The following STARD13 variants were observed in gnomAD, a reference collection of about 807,000 sequenced individuals.
The protein encoded by STARD13 is stAR-related lipid transfer protein 13.
STARD13 carries 62 observed loss-of-function variants against 106.4 expected under a neutral mutation model. That is an observed-to-expected ratio of 0.58 (90% CI 0.48 to 0.72). The LOEUF (loss-of-function observed/expected upper bound fraction) is 0.72, where lower values mean the gene tolerates loss of function less well. STARD13 is among the 30% of genes least tolerant of loss of function. The probability of loss-of-function intolerance (pLI) is 0.00; values close to 1 mark genes in which losing one functional copy is unlikely to be tolerated. For synonymous variants in STARD13, 565 were observed against 553.0 expected, an observed-to-expected ratio of 1.02 and a Z score of -0.31; for missense variants, 1,387 against 1,424.0, an observed-to-expected ratio of 0.97 and a Z score of 0.42.
At chr13:33,189,453 A>C in intron 1 of STARD13, among the ~76,000 whole-genome samples, 1 of 128,628 alleles carries the variant, frequency 7.8e-6, no homozygotes, top group Non-Finnish European at 1.6e-5. Flanking sequence ...GAGGGAAAGC[A>C]GGAGGAAAGG....
intron 1 of STARD13, among the ~76,000 whole-genome samples, chr13:33,318,719 G>A (rs1349433424): frequency 6.6e-6 from 1 of 151,326 alleles, no homozygotes; most frequent in African/African-American, 2.4e-5. Flanking sequence ...AAAAATCAAT[G>A]ATAAAAAGAC....
the STARD13 span, among the ~76,000 whole-genome samples, chr13:33,361,653 A>G: frequency 3.3e-5 from 5 of 152,244 alleles, no homozygotes; most frequent in Non-Finnish European, 7.3e-5. Flanking sequence ...GGAACTTACA[A>G]TTATGGCAAG....
chr13:33,379,541 A>G, the STARD13 span, among the ~76,000 whole-genome samples: 1 of 152,340 alleles, frequency 6.6e-6, no homozygotes, highest in East Asian at 1.9e-4. Context: ...TGTATATCAC[A>G]ACATTTAATT....
intron 1 of STARD13, among the ~76,000 whole-genome samples, chr13:33,201,587 G>C (rs1887044709): frequency 6.6e-6 from 1 of 152,210 alleles, no homozygotes; most frequent in Admixed American, 6.5e-5. Flanking sequence ...CAAGAGCAAA[G>C]TTAAACCAGT....
At chr13:33,631,259 T>A in the STARD13 span, among the ~76,000 whole-genome samples, 1 of 152,196 alleles carries the variant, frequency 6.6e-6, no homozygotes, top group African/African-American at 2.4e-5. Flanking sequence ...TATGTTACCC[T>A]CCTTCCTTCT....
chr13:33,226,349 A>G (rs964975850), intron 1 of STARD13, among the ~76,000 whole-genome samples: 2 of 152,130 alleles, frequency 1.3e-5, no homozygotes, highest in Non-Finnish European at 2.9e-5. Context: ...TGGCTCATAA[A>G]AGTACAGGAA....
At chr13:33,649,036 G>A in the STARD13 span, among the ~76,000 whole-genome samples, 98 of 151,694 alleles carry the variant, frequency 6.5e-4, no homozygotes, top group Non-Finnish European at 1.2e-3. Context: ...TGAGGTGATC[G>A]CCTGCCTCGG....
At chr13:33,556,656 C>G in the STARD13 span, among the ~76,000 whole-genome samples, 1 of 152,150 alleles carries the variant, frequency 6.6e-6, no homozygotes, top group Non-Finnish European at 1.5e-5. Flanking sequence ...TTTAAACATT[C>G]TGGATTTATG....
chr13:33,309,226 T>G (rs371674936), intron 1 of STARD13, among the ~76,000 whole-genome samples: 1 of 152,196 alleles, frequency 6.6e-6, no homozygotes, highest in Admixed American at 6.5e-5. Flanking sequence ...CCCTGCCTCC[T>G]CCATGAGCCC....
the STARD13 span, among the ~76,000 whole-genome samples, chr13:33,579,287 T>C: frequency 6.6e-6 from 1 of 152,072 alleles, no homozygotes; most frequent in African/African-American, 2.4e-5. Context: ...GAAAATGTGC[T>C]ACTATACACA....
chr13:33,430,523 C>T, the STARD13 span, among the ~76,000 whole-genome samples: 1 of 152,222 alleles, frequency 6.6e-6, no homozygotes, highest in South Asian at 2.1e-4. Flanking sequence ...GGAGGTTCCT[C>T]AAAAACCTAA....
chr13:33,675,264 C>T, the STARD13 span, among the ~76,000 whole-genome samples: 1 of 152,304 alleles, frequency 6.6e-6, no homozygotes, highest in South Asian at 2.1e-4. Flanking sequence ...ACATTCTAAT[C>T]CTTAGAGTGA....
At chr13:33,495,698 T>C in the STARD13 span, among the ~76,000 whole-genome samples, 1 of 151,586 alleles carries the variant, frequency 6.6e-6, no homozygotes, top group Admixed American at 6.6e-5. Flanking sequence ...CTGTTTTCCA[T>C]GCCTCTTTTA....
chr13:33,673,713 T>G, the STARD13 span, among the ~76,000 whole-genome samples: 1 of 151,338 alleles, frequency 6.6e-6, no homozygotes, highest in African/African-American at 2.4e-5. Context: ...CAGCTAATTT[T>G]TGTATTTTTA....
chr13:33,146,624 G>A (rs1880579030), intron 3 of STARD13, among the ~76,000 whole-genome samples: 1 of 152,198 alleles, frequency 6.6e-6, no homozygotes, highest in African/African-American at 2.4e-5. Context: ...AATAATGCAA[G>A]TGAGTGACAT....
chr13:33,419,581 C>A, the STARD13 span, among the ~76,000 whole-genome samples: 1 of 152,168 alleles, frequency 6.6e-6, no homozygotes, highest in African/African-American at 2.4e-5. Context: ...GGCAGGCCAA[C>A]ATTCAAATTC....
rs550158254 is a variant in STARD13 at position 33,175,023 on chromosome 13, T to C, written c.170-7401A>G. ...GAGGAAACTCATCAGAAATATATTTTCCATGCCTGTATTCCCAATAGTATT... is the reference window on the plus strand; with the variant it reads ...GAGGAAACTCATCAGAAATATATTTCCCATGCCTGTATTCCCAATAGTATT... On this transcript the variant is annotated intron_variant, in intron 1 of 13. Coordinates refer to ENST00000336934, the MANE Select transcript of STARD13 (RefSeq NM_178006.4). Among the ~76,000 whole-genome samples the C allele has an allele frequency of 3.3e-5, 5 of 152,332 alleles. No homozygotes were observed. In the East Asian group the frequency reaches 9.6e-4, roughly 29 times the overall value.
chr13:33,185,788 A>G, intron 1 of STARD13: 1 of 1,294,262 alleles, frequency 7.7e-7, no homozygotes, highest in Non-Finnish European at 1.1e-6. Flanking sequence ...AGACCACCTG[A>G]CCACTGCCAC....
At chr13:33,111,730 T>C in intron 10 of STARD13, 48 bp downstream of exon 10, 1 of 1,123,866 alleles carries the variant, frequency 8.9e-7, no homozygotes, top group Non-Finnish European at 1.4e-6. Context: ...GCGTCTTATC[T>C]AGTTCCAAGA....
Sources: gnomAD v4.1 joint callset for allele counts (sites outside exome capture counted in the v4.1 genomes callset) on GRCh38, gnomAD v4.1.1 for gene constraint, MANE v1.5 for transcripts, NCBI Gene and HGNC (gene_info 2026-07-23, HGNC 2026-07-21) for gene names.